The following KCND2 variants were observed in gnomAD, a reference collection of about 807,000 sequenced individuals.
KCND2 encodes potassium voltage-gated channel subfamily D member 2, also known as A-type voltage-gated potassium channel KCND2.
Under a neutral mutation model 54.4 loss-of-function variants are expected in KCND2, and 16 were observed. That is an observed-to-expected ratio of 0.29 (90% CI 0.20 to 0.45). The LOEUF is 0.45. KCND2 is among the 20% of genes least tolerant of loss of function. KCND2 has a pLI of 1.00. For synonymous variants in KCND2, 317 were observed against 310.7 expected (o/e 1.02, Z -0.21); for missense variants, 486 against 824.2 (o/e 0.59, Z 5.02).
At chr7:120,404,767 G>GC (rs1801324884) in intron 1 of KCND2, among the ~76,000 whole-genome samples, 1 of 64,508 alleles carries the variant, frequency 1.6e-5, no homozygotes, top group Non-Finnish European at 2.9e-5. Flanking sequence ...ACTGATTTTT[G>GC]GGGGGGGACC....
intron 1 of KCND2, among the ~76,000 whole-genome samples, chr7:120,677,818 T>G (rs951670131): frequency 6.6e-6 from 1 of 152,054 alleles, no homozygotes; most frequent in Admixed American, 6.6e-5. Flanking sequence ...GATTGCAATA[T>G]AAATAAGATA....
At chr7:120,619,963 G>C (rs1584856910) in intron 1 of KCND2, among the ~76,000 whole-genome samples, 1 of 152,228 alleles carries the variant, frequency 6.6e-6, no homozygotes, top group East Asian at 1.9e-4. Context: ...AATAGAATAT[G>C]TTTTGCAAAT....
intron 1 of KCND2, among the ~76,000 whole-genome samples, chr7:120,545,295 A>G (rs557773219): frequency 1.3e-5 from 2 of 151,924 alleles, no homozygotes; most frequent in African/African-American, 4.8e-5. Context: ...AACAAAGCAG[A>G]TAGCTGTCTT....
chr7:120,649,705 C>A (rs1791701601), intron 1 of KCND2, among the ~76,000 whole-genome samples: 1 of 152,062 alleles, frequency 6.6e-6, no homozygotes, highest in South Asian at 2.1e-4. Flanking sequence ...TTCTCCCATT[C>A]TGTAGGGATG....
chr7:120,614,036 G>A (rs1005655576), intron 1 of KCND2, among the ~76,000 whole-genome samples: 4 of 143,470 alleles, frequency 2.8e-5, no homozygotes, highest in African/African-American at 7.8e-5. Context: ...TTTTTTTGAT[G>A]GAGTTTTGCT....
chr7:120,555,956 T>G (rs997833572), intron 1 of KCND2, among the ~76,000 whole-genome samples: 1 of 152,210 alleles, frequency 6.6e-6, no homozygotes, highest in Non-Finnish European at 1.5e-5. Flanking sequence ...AATTATAATT[T>G]TCAATGTTTA....
chr7:120,517,330 T>C (rs1803210518), intron 1 of KCND2, among the ~76,000 whole-genome samples: 1 of 152,088 alleles, frequency 6.6e-6, no homozygotes, highest in Non-Finnish European at 1.5e-5. Context: ...TCTTAGTATA[T>C]TGTTGAGTCA....
chr7:120,488,401 G>A (rs1562852879), intron 1 of KCND2, among the ~76,000 whole-genome samples: 1 of 151,976 alleles, frequency 6.6e-6, no homozygotes, highest in South Asian at 2.1e-4. Context: ...GTTTTGTTTT[G>A]TTTTCCATCC....
At chr7:120,683,293 A>G (rs1268306886) in intron 1 of KCND2, among the ~76,000 whole-genome samples, 1 of 152,134 alleles carries the variant, frequency 6.6e-6, no homozygotes, top group Non-Finnish European at 1.5e-5. Flanking sequence ...ACTCCAGTCT[A>G]CTATGATCTT....
intron 1 of KCND2, among the ~76,000 whole-genome samples, chr7:120,650,502 A>G (rs1377669374): frequency 7.0e-6 from 1 of 142,820 alleles, no homozygotes; most frequent in African/African-American, 2.8e-5. Context: ...TGATTATTCT[A>G]GTTAGCCATT....
intron 1 of KCND2, among the ~76,000 whole-genome samples, chr7:120,278,134 G>C (rs1322534690): frequency 2.6e-5 from 4 of 151,868 alleles, no homozygotes; most frequent in African/African-American, 9.7e-5. Context: ...TAATATAACA[G>C]AATTTCATAG....
intron 1 of KCND2, among the ~76,000 whole-genome samples, chr7:120,702,582 C>T (rs757974390): frequency 4.3e-4 from 65 of 152,120 alleles, no homozygotes; most frequent in Non-Finnish European, 8.7e-4. Context: ...ATATGTGGTA[C>T]ATATACACCA....
chr7:120,599,007 T>C (rs904602748), intron 1 of KCND2, among the ~76,000 whole-genome samples: 2 of 152,174 alleles, frequency 1.3e-5, no homozygotes, highest in African/African-American at 4.8e-5. Context: ...TTGTGTATGA[T>C]ATGATGTATA....
Position 120,574,978 on chromosome 7 carries a change from T to C in KCND2, c.1116-157925T>C, listed in dbSNP as rs536503539. ...ATCCTTAATGTGAGGACAATTCCAT[T>C]CTTTACACTTACAAAGACATATAAT... On this transcript the variant is annotated intron_variant, in intron 1 of 5. Transcript: ENST00000331113. 1.1e-4 allele frequency among the ~76,000 whole-genome samples: 16 copies of C among 152,216 alleles called. No homozygotes were observed. In the East Asian group the frequency reaches 2.7e-3, roughly 26 times the overall value.
intron 1 of KCND2, among the ~76,000 whole-genome samples, chr7:120,522,028 A>G (rs1047415610): frequency 3.3e-5 from 5 of 152,120 alleles, no homozygotes; most frequent in Non-Finnish European, 5.9e-5. Flanking sequence ...ATGATATGGA[A>G]TTGCATTTCA....
At chr7:120,420,237 G>A (rs927740573) in intron 1 of KCND2, among the ~76,000 whole-genome samples, 7 of 152,096 alleles carry the variant, frequency 4.6e-5, no homozygotes, top group Admixed American at 4.6e-4. Flanking sequence ...ACTGCAAGAA[G>A]CATACTTTCA....
intron 1 of KCND2, among the ~76,000 whole-genome samples, chr7:120,307,479 A>T (rs191306745): frequency 2.0e-5 from 3 of 152,200 alleles, no homozygotes; most frequent in African/African-American, 7.2e-5. Flanking sequence ...TGTTGTGAAA[A>T]TTGGTTAAGA....
At chr7:120,689,656 C>T (rs1329038147) in intron 1 of KCND2, among the ~76,000 whole-genome samples, 1 of 152,156 alleles carries the variant, frequency 6.6e-6, no homozygotes, top group East Asian at 1.9e-4. Flanking sequence ...ATCCCTTTCT[C>T]TGAAACTACT....
chr7:120,353,133 CTTTT>C (rs72353278), intron 1 of KCND2, among the ~76,000 whole-genome samples: 112 of 91,790 alleles, frequency 1.2e-3, no homozygotes, highest in African/African-American at 4.3e-3. Flanking sequence ...AATACTTTTA[CTTTT>C]TTTTTTTTTT....
Sources: gnomAD v4.1 joint callset for allele counts (sites outside exome capture counted in the v4.1 genomes callset) on GRCh38, gnomAD v4.1.1 for gene constraint, MANE v1.5 for transcripts, NCBI Gene and HGNC (gene_info 2026-07-23, HGNC 2026-07-21) for gene names.